HDAC4: variants seen among roughly 807,000 people sequenced by gnomAD.
HDAC4 encodes histone deacetylase 4.
Under a neutral mutation model 135.1 loss-of-function variants are expected in HDAC4, and 16 were observed. The ratio of observed to expected loss-of-function variants is 0.12; its 90% CI spans 0.08 to 0.18. The LOEUF (loss-of-function observed/expected upper bound fraction) is 0.18, where lower values mean the gene tolerates loss of function less well. HDAC4 is among the 10% of genes least tolerant of loss of function. HDAC4 has a pLI of 1.00. For synonymous variants in HDAC4, 685 were observed against 653.4 expected (o/e 1.05, Z -0.74); for missense variants, 1,143 against 1,511.8 (o/e 0.76, Z 4.05).
intron 2 of HDAC4, among the ~76,000 whole-genome samples, chr2:239,246,261 T>C (rs2048452297): frequency 6.6e-6 from 1 of 152,132 alleles, no homozygotes; most frequent in African/African-American, 2.4e-5. Context: ...AGCAGGTTAC[T>C]CGGGGATTTT....
intron 7 of HDAC4, among the ~76,000 whole-genome samples, chr2:239,147,251 G>A (rs577288744): frequency 2.6e-5 from 4 of 152,184 alleles, no homozygotes; most frequent in South Asian, 4.1e-4. Context: ...CGGGGGAGCC[G>A]CATACCACGA....
intron 1 of HDAC4, among the ~76,000 whole-genome samples, chr2:239,389,835 G>C (rs1434597923): frequency 6.6e-6 from 1 of 152,192 alleles, no homozygotes; most frequent in Non-Finnish European, 1.5e-5. Flanking sequence ...TTCTGGAAGA[G>C]GCATGTCCAG....
At position 239,068,360 on chromosome 2, in the gene HDAC4, G is replaced by A; in HGVS notation, c.2869+129C>T. The A allele has an allele frequency of 1.4e-6, 1 of 714,996 alleles. No individual in the cohort carries two copies. Among genetic ancestry groups the A allele is most frequent in the Non-Finnish European group, 2.5e-6 (1 of 404,726 alleles). 44.3% of individuals were successfully genotyped at this position (714,996 alleles called of 1,614,324 possible). On this transcript the variant is annotated intron_variant, in intron 23 of 26. Coordinates refer to ENST00000543185, the MANE Select transcript of HDAC4 (RefSeq NM_001378414.1). The surrounding 1 kb of genome is among the most constrained non-coding windows in gnomAD (Gnocchi z 4.4). ...AATGGACTGGTTCCCAGTACGGTCA[G>A]AACCTTGGTCATTAGTAAAAAGGTG...
At chr2:239,342,359 G>A (rs1257306199) in intron 2 of HDAC4, among the ~76,000 whole-genome samples, 3 of 152,076 alleles carry the variant, frequency 2.0e-5, no homozygotes, top group Non-Finnish European at 4.4e-5. Flanking sequence ...CTTTGAGAAT[G>A]TAGTTGTATA....
intron 22 of HDAC4, among the ~76,000 whole-genome samples, chr2:239,072,526 C>T (rs13383044): frequency 0.16 from 25,036 of 152,176 alleles, 2,271 homozygotes; most frequent in African/African-American, 0.21. Flanking sequence ...CCCCAGCACA[C>T]GCGTGTGGGC....
At chr2:239,359,338 C>T (rs1464156997) in intron 1 of HDAC4, among the ~76,000 whole-genome samples, 3 of 152,232 alleles carry the variant, frequency 2.0e-5, no homozygotes, top group Admixed American at 6.5e-5. Flanking sequence ...ACTCTATTAC[C>T]ATGTGAGTTC....
rs955788276 is a variant in HDAC4 at position 239,350,431 on chromosome 2, G to C, written c.22+2247C>G. On this transcript the variant is annotated intron_variant, in intron 2 of 26. Coordinates refer to ENST00000543185, the MANE Select transcript of HDAC4 (RefSeq NM_001378414.1). ...ATACTGATTTAAATAACTCAACTGA[G>C]TTAATATATAATTAAAACAACATAT... Among the ~76,000 whole-genome samples, 27 of 151,976 alleles carry C rather than the reference G, an allele frequency of 1.8e-4. 1 individual carries two copies. The highest frequency in any genetic ancestry group is 1.1e-3 in the Admixed American group (17 of 15,256).
chr2:239,113,260 AC>A (rs202055117), intron 13 of HDAC4, among the ~76,000 whole-genome samples: 2,758 of 152,186 alleles, frequency 0.018, 251 homozygotes, highest in Admixed American at 0.15. Context: ...ACACACACAC[AC>A]ACAAAAGGAA....
At chr2:239,292,669 C>G (rs764930027) in intron 2 of HDAC4, among the ~76,000 whole-genome samples, 1 of 152,092 alleles carries the variant, frequency 6.6e-6, no homozygotes, top group Non-Finnish European at 1.5e-5. Context: ...GATCCAGTGT[C>G]ATGAACTAGC....
chr2:239,302,171 T>C (rs2052306127), intron 2 of HDAC4, among the ~76,000 whole-genome samples: 1 of 152,192 alleles, frequency 6.6e-6, no homozygotes, highest in Non-Finnish European at 1.5e-5. Context: ...TCCTGCAGGC[T>C]TTACTGTGAA....
intron 1 of HDAC4, among the ~76,000 whole-genome samples, chr2:239,376,138 G>A (rs917939067): frequency 6.6e-6 from 1 of 151,642 alleles, no homozygotes; most frequent in Non-Finnish European, 1.5e-5. Context: ...GGTGCTGTGT[G>A]CTCACAACCC....
chr2:239,296,497 C>T (rs13429023), intron 2 of HDAC4, among the ~76,000 whole-genome samples: 15,170 of 152,272 alleles, frequency 0.1, 1,374 homozygotes, highest in East Asian at 0.43. Flanking sequence ...AAAGGTCACC[C>T]CGTGACATTT....
rs947583715 is a variant in HDAC4, at chr2:239,049,415, C to T, written c.*3682G>A. 2 of 152,250 alleles carry T rather than the reference C, an allele frequency of 1.3e-5. No individual in the cohort carries two copies. The highest frequency in any genetic ancestry group is 1.9e-4 in the East Asian group (1 of 5,194). 9.4% of individuals were successfully genotyped at this position (152,250 alleles called of 1,614,324 possible). On this transcript the variant is annotated 3_prime_UTR_variant, in exon 27 of 27. Coordinates refer to ENST00000543185, the MANE Select transcript of HDAC4 (RefSeq NM_001378414.1). ...GTATACAATATAAAGTCATGCCGGT[C>T]GTACAGTCCATGCAACCTCCAGGTG...
chr2:239,352,625 T>C lies in HDAC4; in HGVS notation c.22+53A>G, dbSNP rs1693239002. 2 of 1,530,366 alleles carry C rather than the reference T, an allele frequency of 1.3e-6. No homozygotes were observed. The highest frequency in any genetic ancestry group is 1.2e-5 in the South Asian group (1 of 83,638). The allele number at this position is 1,530,366 out of a possible 1,614,324, so 94.8% of individuals were successfully genotyped here. A position where few individuals can be genotyped will look rare whatever the true frequency, so the allele number is the denominator to read the frequency against. ...AGCTGCAGTCACAAGAACTTCTACT[T>C]TGGGCAAAGAAAGCCCCGCTGTGTG... On this transcript the variant is annotated intron_variant, in intron 2 of 26. Coordinates refer to ENST00000543185, the MANE Select transcript of HDAC4 (RefSeq NM_001378414.1). This position sits in a 1 kb window ranked among gnomAD's most constrained non-coding sequence, Gnocchi z 4.4.
chr2:239,118,273 G>A (rs747125665), intron 12 of HDAC4, among the ~76,000 whole-genome samples: 8 of 152,200 alleles, frequency 5.3e-5, no homozygotes, highest in Non-Finnish European at 1.0e-4. Flanking sequence ...TGAAGAAAAC[G>A]CAGATCCATT....
At chr2:239,210,479 C>T (rs535787876) in intron 3 of HDAC4, among the ~76,000 whole-genome samples, 1 of 152,254 alleles carries the variant, frequency 6.6e-6, no homozygotes, top group Non-Finnish European at 1.5e-5. Context: ...AGTGCTAAAC[C>T]CTATTCTCAG....
At chr2:239,244,844 G>A (rs1559277642) in intron 2 of HDAC4, among the ~76,000 whole-genome samples, 1 of 152,094 alleles carries the variant, frequency 6.6e-6, no homozygotes, top group Non-Finnish European at 1.5e-5. Flanking sequence ...CCCTGGGCCT[G>A]GCAGATACTA....
chr2:239,264,020 G>T (rs1260701159), intron 2 of HDAC4, among the ~76,000 whole-genome samples: 3 of 152,244 alleles, frequency 2.0e-5, no homozygotes, highest in South Asian at 4.1e-4. Context: ...CTTTGGGGTG[G>T]GGGCCATCCT....
At chr2:239,094,236 CT>C (rs1440683340) in intron 17 of HDAC4, 73 of 985,338 alleles carry the variant, frequency 7.4e-5, no homozygotes, top group Non-Finnish European at 8.3e-5. Flanking sequence ...GCCGCCCTCG[CT>C]ATTGCCACCC....
Sources: gnomAD v4.1 joint callset for allele counts (sites outside exome capture counted in the v4.1 genomes callset) on GRCh38, gnomAD v4.1.1 for gene constraint, Gnocchi (gnomAD v3.1) non-coding constraint, MANE v1.5 for transcripts, NCBI Gene and HGNC (gene_info 2026-07-23, HGNC 2026-07-21) for gene names.